Variants in BAG6 observed in about 807,000 individuals in gnomAD.
BAG6 encodes the protein BAG cochaperone 6.
A neutral mutation model predicts 121.0 loss-of-function variants in BAG6; 22 were observed. The ratio of observed to expected loss-of-function variants is 0.18; its 90% CI spans 0.13 to 0.26. The LOEUF (loss-of-function observed/expected upper bound fraction) is 0.26. Ranked by LOEUF, BAG6 falls within the 10% of genes least tolerant of loss-of-function variation. The pLI is 1.00. For synonymous variants in BAG6, 583 were observed against 584.6 expected (o/e 1.00, Z 0.04); for missense variants, 1,233 against 1,537.7 (o/e 0.80, Z 3.31).
At position 31,639,545 on chromosome 6, in the gene BAG6, G is replaced by A. The variant is rs532488148; in HGVS notation, c.3348C>T (p.Ser1116=). 1 of 1,614,180 alleles carries A rather than the reference G, an allele frequency of 6.2e-7. No individual in the cohort carries two copies. Among genetic ancestry groups the A allele is most frequent in the Non-Finnish European group, 8.5e-7 (1 of 1,180,018 alleles). Residue 1116 remains serine, a synonymous_variant, in exon 25 of 26, where the codon AGC becomes AGT. Transcript: ENST00000676615. ...ARPLTSPESL[S]RDLEAPEVQE... is the part of the protein sequence containing the mutation. ...GAACCTCTGGTGCCTCCAGGTCCCG[G>A]CTCAGGCTCTCGGGGCTCGTCAGGG... is the stretch of plus-strand genomic sequence containing the variant.
In BAG6 at chr6:31,639,181, T is replaced by C. The variant is rs532945916; in HGVS notation, c.3439A>G (p.Ser1147Gly). ...TGGGCATTGGGGAAGCGCTGGGGAC[T>C]GTAGTTGGGGTCTTCCTGCAGTCGT... ...QKRLQEDPNY[S>G]PQRFPNAQRA... The change falls in exon 26 of 26, where the codon AGT becomes GGT. Residue 1147 changes from serine to glycine, a missense_variant. Coordinates refer to ENST00000676615, the MANE Select transcript of BAG6 (RefSeq NM_001387994.1). The C allele has an allele frequency of 1.9e-6, 3 of 1,614,010 alleles. No homozygotes were observed. The highest frequency in any genetic ancestry group is 1.1e-5 in the South Asian group (1 of 91,064).
At position 31,643,032 on chromosome 6, in the gene BAG6, C is replaced by T; in HGVS notation, c.1840G>A (p.Ala614Thr). The stretch of plus-strand genomic sequence containing the variant: ...GCAGGCCCCCCAGGAGCGGGGCCAG[C>T]TGTGGTAGCTGTGTTGGTGGTGCCA... ...SAGTTNTATT[A>T]GPAPGGPAQP... is the part of the protein sequence containing the mutation. Residue 614 changes from alanine to threonine, a missense_variant, in exon 15 of 26, where the codon GCT becomes ACT. Coordinates refer to ENST00000676615, the MANE Select transcript of BAG6 (RefSeq NM_001387994.1). 1 of 1,587,804 alleles carries T rather than the reference C, an allele frequency of 6.3e-7. No homozygotes were observed. Among genetic ancestry groups the T allele is most frequent in the Non-Finnish European group, 8.6e-7 (1 of 1,168,742 alleles).
chr6:31,648,650 A>T, intron 6 of BAG6, 27 bp downstream of exon 6: 1 of 1,609,954 alleles, frequency 6.2e-7, no homozygotes, highest in Non-Finnish European at 8.5e-7. Context: ...GGGTGGAGAG[A>T]GACCCTAGCC....
chr6:31,646,836 C>A (rs1272212253), intron 7 of BAG6, among the ~76,000 whole-genome samples: 1 of 129,426 alleles, frequency 7.7e-6, no homozygotes, highest in Admixed American at 9.4e-5. Flanking sequence ...TGCAGTGGTG[C>A]GACCTCAGCT....
In BAG6 at chr6:31,639,656, A is replaced by C. The variant is rs970248636; in HGVS notation, c.3247-10T>G. On this transcript the variant is annotated splice_polypyrimidine_tract_variant and intron_variant, in intron 24 of 25. Transcript: ENST00000676615. ...CCTCACCCTGCATCGTCTGGGGGAC[A>C]GGGGGTTGGGAGGGAAAAGAGGATC... 6.3e-7 allele frequency: 1 copy of C among 1,599,298 alleles called. No homozygotes were observed. The highest frequency in any genetic ancestry group is 1.1e-5 in the South Asian group (1 of 90,092).
At chr6:31,651,967 G>C in intron 1 of BAG6, 191 bp from the exon 2 acceptor site, 1 of 531,340 alleles carries the variant, frequency 1.9e-6, no homozygotes, top group Non-Finnish European at 3.4e-6. Context: ...GAGATCGACG[G>C]CTTAGGGAGC....
intron 7 of BAG6, 90 bp from the exon 8 acceptor site, chr6:31,646,613 C>T (rs2150902869): frequency 6.6e-7 from 1 of 1,523,792 alleles, no homozygotes; most frequent in South Asian, 1.2e-5. Flanking sequence ...CCTCTTTCTC[C>T]CTGGTCTCCC....
Position 31,644,053 on chromosome 6 carries a change from C to T in BAG6, c.1668+29G>A, listed in dbSNP as rs756561646. On this transcript the variant is annotated intron_variant, in intron 13 of 25. Transcript: ENST00000676615. This position sits in a 1 kb window ranked among gnomAD's most constrained non-coding sequence, Gnocchi z 4.9. ...ACAGGAGTCTCTCCCTAGACTGTTA[C>T]GCACTAGAACTCCCCGACCCTTGCT... 230 of 1,612,254 alleles carry T rather than the reference C, an allele frequency of 1.4e-4. No individual in the cohort carries two copies. Among genetic ancestry groups the T allele is most frequent in the Non-Finnish European group, 1.9e-4 (220 of 1,178,804 alleles).
At chr6:31,648,564 T>G in intron 6 of BAG6, 113 bp downstream of exon 6, 1 of 999,286 alleles carries the variant, frequency 1.0e-6, no homozygotes, top group Non-Finnish European at 1.5e-6. Flanking sequence ...CAGAGAAGAC[T>G]AGATTATGAA....
At position 31,645,452 on chromosome 6, in the gene BAG6, G is replaced by C; in HGVS notation, c.1071C>G (p.His357Gln). The change falls in exon 9 of 26, where the codon CAC becomes CAG. Residue 357 changes from histidine to glutamine, a missense_variant. Coordinates refer to ENST00000676615, the MANE Select transcript of BAG6 (RefSeq NM_001387994.1). The stretch of plus-strand genomic sequence containing the variant: ...GCTGGAGCACCATGGGGGTGGTGTA[G>C]TGAGACATAGGCCGGACCACATGCA... The part of the protein sequence containing the change: ...RHLHVVRPMS[H>Q]YTTPMVLQQA... The C allele has an allele frequency of 6.2e-7, 1 of 1,613,080 alleles. No homozygotes were observed. The highest frequency in any genetic ancestry group is 1.1e-5 in the South Asian group (1 of 91,088).
At chr6:31,648,095 A>C (rs1359638872) in intron 6 of BAG6, among the ~76,000 whole-genome samples, 1 of 150,388 alleles carries the variant, frequency 6.6e-6, no homozygotes, top group Non-Finnish European at 1.5e-5. Flanking sequence ...AGCTCACTGT[A>C]ACCTCCGCCT....
At position 31,644,631 on chromosome 6, in the gene BAG6, T is replaced by A. The variant is rs1269587063; in HGVS notation, c.1370-29A>T. On this transcript the variant is annotated intron_variant, in intron 10 of 25. Coordinates refer to ENST00000676615, the MANE Select transcript of BAG6 (RefSeq NM_001387994.1). This position sits in a 1 kb window ranked among gnomAD's most constrained non-coding sequence, Gnocchi z 4.9. ...GGCAGGGAGACAGAGACAGTGGCCC[T>A]GAGGTAGGTAGGGCCAAGGCCTAAC... 13 of 1,608,126 alleles carry A rather than the reference T, an allele frequency of 8.1e-6. No individual in the cohort carries two copies. Among genetic ancestry groups the A allele is most frequent in the Non-Finnish European group, 1.1e-5 (13 of 1,176,812 alleles).
chr6:31,643,113 G>C lies in BAG6; in HGVS notation c.1759C>G (p.Gln587Glu). The change falls in exon 15 of 26, where the codon CAG becomes GAG. Residue 587 changes from glutamine (Q) to glutamate (E), a missense_variant and splice_region_variant. Around this residue, in one of 7 missense-constraint regions of BAG6, gnomAD observed 777 missense variants for 861.4 expected, o/e 0.90. Transcript: ENST00000676615. ...QLLMQPVLVA[Q>E]GTPGMAPPPA... ...GGTGGAGCCATACCTGGGGTCCCCT[G>C]AGCTGTAAGAAACCAAAAAAAGAAA... The C allele has an allele frequency of 6.4e-7, 1 of 1,560,994 alleles. No individual in the cohort carries two copies. The highest frequency in any genetic ancestry group is 1.2e-5 in the South Asian group (1 of 85,318).
At chr6:31,651,104 G>C (rs1196968092) in intron 2 of BAG6, among the ~76,000 whole-genome samples, 6 of 152,222 alleles carry the variant, frequency 3.9e-5, no homozygotes, top group Non-Finnish European at 8.8e-5. Context: ...GTCCACCCAT[G>C]ATGATGACAC....
chr6:31,641,994 C>A lies in BAG6; in HGVS notation c.2336-49G>T. ...GCAATGGCCTTTACCACCTGGCCTG[C>A]CCACCCACAACCAGATCATCAACCT... is the stretch of plus-strand genomic sequence containing the variant. On this transcript the variant is annotated intron_variant, in intron 16 of 25. Transcript: ENST00000676615. This position sits in a 1 kb window ranked among gnomAD's most constrained non-coding sequence, Gnocchi z 5.7. 1 of 1,604,190 alleles carries A rather than the reference C, an allele frequency of 6.2e-7. No individual in the cohort carries two copies.
In BAG6 at chr6:31,640,095, G is replaced by A. The variant is rs1583286922; in HGVS notation, c.3246+104C>T. 7 of 1,169,620 alleles carry A rather than the reference G, an allele frequency of 6.0e-6. No homozygotes were observed. The East Asian group carries it at 1.5e-4, about 24-fold the overall frequency. 72.5% of individuals were successfully genotyped at this position (1,169,620 alleles called of 1,614,324 possible). ...AGTTTCCTCATTAAACGAGGGGAGG[G>A]GAGACTGAATAACAAGAGCTCCCAC... On this transcript the variant is annotated intron_variant, in intron 24 of 25. Transcript: ENST00000676615. The surrounding 1 kb of genome is among the most constrained non-coding windows in gnomAD (Gnocchi z 4.2).
At position 31,644,483 on chromosome 6, in the gene BAG6, C is replaced by T. The variant is rs771456003; in HGVS notation, c.1447+42G>A. On this transcript the variant is annotated intron_variant, in intron 11 of 25. Coordinates refer to ENST00000676615, the MANE Select transcript of BAG6 (RefSeq NM_001387994.1). This position sits in a 1 kb window ranked among gnomAD's most constrained non-coding sequence, Gnocchi z 4.9. ...ACCCACCCACTCAGCCCTTCCCTTT[C>T]TCTACCCAGAGCTCAGCCTGCCCTG... 30 of 1,587,750 alleles carry T rather than the reference C, an allele frequency of 1.9e-5. No individual in the cohort carries two copies. The African/African-American group carries it at 3.4e-4, about 18-fold the overall frequency.
intron 14 of BAG6, 138 bp from the exon 15 acceptor site, chr6:31,643,253 AG>A: frequency 1.2e-6 from 1 of 825,802 alleles, no homozygotes; most frequent in Non-Finnish European, 1.8e-6. Flanking sequence ...CATCTCTACC[AG>A]AAAAAAAAAA....
In BAG6 at chr6:31,640,134, T is replaced by C. The variant is rs1041557602; in HGVS notation, c.3246+65A>G. ...AAGAGCTCCCACCATCTCTACATAGTTTGATTCCAGGCATGACGGGGAAAC... is the reference window on the plus strand; with the variant it reads ...AAGAGCTCCCACCATCTCTACATAGCTTGATTCCAGGCATGACGGGGAAAC... On this transcript the variant is annotated intron_variant, in intron 24 of 25. Transcript: ENST00000676615. The surrounding 1 kb of genome is among the most constrained non-coding windows in gnomAD (Gnocchi z 4.2). 1 of 1,516,574 alleles carries C rather than the reference T, an allele frequency of 6.6e-7. No homozygotes were observed. Among genetic ancestry groups the C allele is most frequent in the Non-Finnish European group, 9.1e-7 (1 of 1,094,764 alleles). The allele number at this position is 1,516,574 out of a possible 1,614,324, so 93.9% of individuals were successfully genotyped here.
Sources: gnomAD v4.1 joint callset for allele counts (sites outside exome capture counted in the v4.1 genomes callset) on GRCh38, gnomAD v4.1.1 for gene constraint, gnomAD v4.1.1 regional missense constraint, Gnocchi (gnomAD v3.1) non-coding constraint, MANE v1.5 for transcripts, NCBI Gene and HGNC (gene_info 2026-07-23, HGNC 2026-07-21) for gene names.